WIPF3: variants seen among roughly 807,000 people sequenced by gnomAD.
WIPF3 encodes WAS/WASL-interacting protein family member 3.
Under a neutral mutation model 38.9 loss-of-function variants are expected in WIPF3, and 33 were observed. That is an observed-to-expected ratio of 0.85 (90% CI 0.64 to 1.14). The LOEUF is 1.14. WIPF3 is among the 50% of genes most tolerant of loss of function. The pLI is 0.00. For missense variants in WIPF3, 711 were observed against 652.5 expected (o/e 1.09, Z -0.98); for synonymous variants, 324 against 269.3 (o/e 1.20, Z -1.99).
At chr7:29,819,870 CTGTT>C (rs1213596795) in intron 1 of WIPF3, among the ~76,000 whole-genome samples, 1 of 151,894 alleles carries the variant, frequency 6.6e-6, no homozygotes, top group African/African-American at 2.4e-5. Flanking sequence ...AAAATATTGT[CTGTT>C]CTGTTTCTAC....
chr7:29,897,142 A>G (rs1052332085), intron 7 of WIPF3, among the ~76,000 whole-genome samples: 12 of 152,166 alleles, frequency 7.9e-5, no homozygotes, highest in South Asian at 2.1e-4. Context: ...AAATTCATCT[A>G]TGTTGTAGCA....
rs1562784177 is a variant in WIPF3 at position 29,879,000 on chromosome 7, T to A, written c.224-9T>A. 1 of 1,585,974 alleles carries A rather than the reference T, an allele frequency of 6.3e-7. No homozygotes were observed. The highest frequency in any genetic ancestry group is 1.1e-5 in the South Asian group (1 of 87,510). On this transcript the variant is annotated splice_polypyrimidine_tract_variant and intron_variant, in intron 3 of 8. Coordinates refer to ENST00000242140, the MANE Select transcript of WIPF3 (RefSeq NM_001080529.3). The surrounding 1 kb of genome is among the most constrained non-coding windows in gnomAD (Gnocchi z 4.0). ...CAAGTCCTTGCCTATTTGTGTCTTC[T>A]CTCTAAAGGTTCTAAAGGAACCAAC...
Position 29,879,114 on chromosome 7 carries a change from G to T in WIPF3, c.329G>T (p.Arg110Leu). The change falls in exon 4 of 9, where the codon CGA becomes CTA. Residue 110 changes from arginine (R) to leucine (L), a missense_variant. Physicochemically the swap from Arg to Leu is moderately radical, Grantham distance 102. Transcript: ENST00000242140. ...TTTGCTGGTGGCTTTCCTGTATTGC[G>T]ACCAGCAGGCCAGCGGGATGTAGCA... ...DLFAGGFPVLRPAGQRDVAGG... is the reference protein window; with the variant it reads ...DLFAGGFPVLLPAGQRDVAGG... The T allele has an allele frequency of 6.2e-7, 1 of 1,612,346 alleles. No homozygotes were observed. Among genetic ancestry groups the T allele is most frequent in the South Asian group, 1.1e-5 (1 of 90,674 alleles).
chr7:29,875,693 C>G lies in WIPF3; in HGVS notation c.91-137C>G, dbSNP rs1359955641. 12 of 1,177,632 alleles carry G rather than the reference C, an allele frequency of 1.0e-5. No individual in the cohort carries two copies. The Admixed American group carries it at 2.8e-4, about 27-fold the overall frequency. The allele number at this position is 1,177,632 out of a possible 1,614,324, so 72.9% of individuals were successfully genotyped here. A position where few individuals can be genotyped will look rare whatever the true frequency, so the allele number is the denominator to read the frequency against. On this transcript the variant is annotated intron_variant, in intron 2 of 8. Coordinates refer to ENST00000242140, the MANE Select transcript of WIPF3 (RefSeq NM_001080529.3). ...TGAGCAGGACCCAAAAGTGTCTCTC[C>G]CATAGGTAATCTGAGATCAGCCTTG...
At chr7:29,902,265 C>CTTTTTTTTTTT (rs141174377) in intron 7 of WIPF3, among the ~76,000 whole-genome samples, 18 of 116,386 alleles carry the variant, frequency 1.5e-4, no homozygotes, top group South Asian at 6.8e-4. Flanking sequence ...TTTTCTTCTT[C>CTTTTTTTTTTT]TTCTTCTTCT....
chr7:29,887,187 G>A (rs975721922), intron 5 of WIPF3, among the ~76,000 whole-genome samples: 1 of 152,218 alleles, frequency 6.6e-6, no homozygotes, highest in African/African-American at 2.4e-5. Context: ...TGCATCTTTG[G>A]ATTTGAAACT....
intron 2 of WIPF3, among the ~76,000 whole-genome samples, chr7:29,874,959 G>A (rs73686265): frequency 2.0e-5 from 3 of 152,302 alleles, no homozygotes; most frequent in Admixed American, 6.5e-5. Flanking sequence ...GGATTCAGCT[G>A]ATCTGGGTTT....
intron 2 of WIPF3, among the ~76,000 whole-genome samples, chr7:29,852,608 C>A (rs1583603477): frequency 6.6e-6 from 1 of 152,242 alleles, no homozygotes; most frequent in East Asian, 1.9e-4. Flanking sequence ...ACTGCTTTGA[C>A]ACCTGGAGCA....
At chr7:29,907,679 C>G (rs2128081445) in intron 8 of WIPF3, among the ~76,000 whole-genome samples, 1 of 152,292 alleles carries the variant, frequency 6.6e-6, no homozygotes, top group South Asian at 2.1e-4. Context: ...TTTGAAGGCA[C>G]CATCTAGCAG....
intron 7 of WIPF3, among the ~76,000 whole-genome samples, chr7:29,890,069 G>A (rs924849385): frequency 1.2e-4 from 19 of 152,228 alleles, no homozygotes; most frequent in African/African-American, 4.1e-4. Flanking sequence ...AGCCTTAAGA[G>A]TAGAAAGATG....
rs1307171742 is a variant in WIPF3, at chr7:29,823,469, A to G, written c.-57-11199A>G. ...TTCTAGTTTGCAATATTTTTCTTTAATAATCATTAAGATGATATCTCATTT... is the reference window on the plus strand; with the variant it reads ...TTCTAGTTTGCAATATTTTTCTTTAGTAATCATTAAGATGATATCTCATTT... On this transcript the variant is annotated intron_variant, in intron 1 of 8. Coordinates refer to ENST00000242140, the MANE Select transcript of WIPF3 (RefSeq NM_001080529.3). The surrounding 1 kb of genome is among the most constrained non-coding windows in gnomAD (Gnocchi z 4.0). Among the ~76,000 whole-genome samples the G allele has an allele frequency of 2.6e-5, 4 of 152,232 alleles. No homozygotes were observed. Among genetic ancestry groups the G allele is most frequent in the Non-Finnish European group, 5.9e-5 (4 of 68,046 alleles).
intron 2 of WIPF3, among the ~76,000 whole-genome samples, chr7:29,842,935 T>C (rs1784937990): frequency 1.3e-5 from 2 of 152,218 alleles, no homozygotes; most frequent in African/African-American, 4.8e-5. Flanking sequence ...GGTACTTCGA[T>C]TAGTGTCACT....
chr7:29,898,431 C>G (rs540405535), intron 7 of WIPF3, among the ~76,000 whole-genome samples: 1 of 152,286 alleles, frequency 6.6e-6, no homozygotes, highest in African/African-American at 2.4e-5. Flanking sequence ...GTTGCTGGAA[C>G]CTGCTAACAG....
chr7:29,887,801 T>C (rs1028005795), intron 5 of WIPF3, among the ~76,000 whole-genome samples: 1 of 152,180 alleles, frequency 6.6e-6, no homozygotes, highest in Admixed American at 6.5e-5. Context: ...ATTCAACTCA[T>C]TGAATCTTCT....
intron 7 of WIPF3, among the ~76,000 whole-genome samples, chr7:29,903,275 CAG>C (rs1308855348): frequency 5.9e-5 from 9 of 152,064 alleles, no homozygotes; most frequent in Admixed American, 2.0e-4. Context: ...GCCTGGGAGA[CAG>C]AGGGAGACCT....
intron 2 of WIPF3, among the ~76,000 whole-genome samples, chr7:29,848,477 C>A (rs1022687100): frequency 7.2e-5 from 11 of 152,132 alleles, no homozygotes; most frequent in Non-Finnish European, 1.5e-4. Flanking sequence ...AAGCCCCTCT[C>A]CAAAGCAAAG....
At chr7:29,813,298 G>A (rs1166686286) in intron 1 of WIPF3, among the ~76,000 whole-genome samples, 4 of 152,086 alleles carry the variant, frequency 2.6e-5, no homozygotes, top group East Asian at 1.9e-4. Context: ...ATAGCCCCAC[G>A]GTGCTGTTTT....
At chr7:29,901,765 G>T (rs1786280709) in intron 7 of WIPF3, among the ~76,000 whole-genome samples, 1 of 148,738 alleles carries the variant, frequency 6.7e-6, no homozygotes, top group African/African-American at 2.5e-5. Context: ...TTGAGCCTGG[G>T]AGACAGAGGT....
chr7:29,824,002 G>A (rs953467240), intron 1 of WIPF3, among the ~76,000 whole-genome samples: 23 of 152,162 alleles, frequency 1.5e-4, no homozygotes, highest in African/African-American at 5.3e-4. Context: ...ATAGCAACGC[G>A]AGAACAGACT....
Sources: allele counts gnomAD v4.1 joint callset (sites outside exome capture counted in the v4.1 genomes callset), GRCh38; gene constraint gnomAD v4.1.1; non-coding constraint Gnocchi (gnomAD v3.1); transcripts MANE v1.5; gene names NCBI Gene and HGNC (gene_info 2026-07-23, HGNC 2026-07-21).